SLC4A4: variants seen among roughly 807,000 people sequenced by gnomAD.
SLC4A4 encodes the protein solute carrier family 4 member 4, also known as electrogenic sodium bicarbonate cotransporter 1.
A neutral mutation model predicts 111.5 loss-of-function variants in SLC4A4; 27 were observed. That is an observed-to-expected ratio of 0.24 (90% CI 0.18 to 0.33). The LOEUF is 0.33. Among genes scored for constraint, SLC4A4 ranks in the 10% least tolerant of loss-of-function variants. The pLI, the probability that SLC4A4 is intolerant of heterozygous loss-of-function variation, is 1.00. For missense variants in SLC4A4, 909 were observed against 1,315.5 expected (o/e 0.69, Z 4.78); for synonymous variants, 443 against 463.4 (o/e 0.96, Z 0.57).
chr4:71,380,816 C>T (rs1362813603), intron 6 of SLC4A4, among the ~76,000 whole-genome samples: 2 of 152,180 alleles, frequency 1.3e-5, no homozygotes, highest in Non-Finnish European at 2.9e-5. Flanking sequence ...TTCTTGTTCT[C>T]TCTACTCTCA....
chr4:71,524,316 A>C (rs1207609851), intron 16 of SLC4A4, among the ~76,000 whole-genome samples: 1 of 152,172 alleles, frequency 6.6e-6, no homozygotes, highest in African/African-American at 2.4e-5. Context: ...GTATACACAC[A>C]TTGGGTTTCT....
intron 1 of SLC4A4, among the ~76,000 whole-genome samples, chr4:71,092,233 A>C (rs1742409130): frequency 6.6e-6 from 1 of 151,622 alleles, no homozygotes. Context: ...TCTATTCTAA[A>C]GCTCATTTTA....
At chr4:71,286,689 A>C (rs1484833583) in intron 3 of SLC4A4, among the ~76,000 whole-genome samples, 1 of 152,232 alleles carries the variant, frequency 6.6e-6, no homozygotes, top group African/African-American at 2.4e-5. Context: ...GTTGATCTTT[A>C]TAACAATCTT....
Position 71,402,729 on chromosome 4 carries a change from C to T in SLC4A4, c.807+5076C>T, listed in dbSNP as rs556799776. Among the ~76,000 whole-genome samples, 11 of 152,312 alleles carry T rather than the reference C, an allele frequency of 7.2e-5. No homozygotes were observed. The South Asian group carries it at 2.1e-3, about 29-fold the overall frequency. On this transcript the variant is annotated intron_variant, in intron 7 of 25. Transcript: ENST00000264485. The stretch of plus-strand genomic sequence containing the variant: ...GTTTTGGTGACTTTGGTGAGCATCT[C>T]TCTGGCTCAGCACCTACAGCTTTCC...
chr4:71,546,746 G>A (rs911056441), intron 19 of SLC4A4, among the ~76,000 whole-genome samples: 3 of 151,862 alleles, frequency 2.0e-5, no homozygotes, highest in Non-Finnish European at 2.9e-5. Context: ...ATTTCCAAAA[G>A]GCTAAATGTT....
At chr4:71,542,944 C>T (rs1053188172) in intron 18 of SLC4A4, among the ~76,000 whole-genome samples, 2 of 152,074 alleles carry the variant, frequency 1.3e-5, no homozygotes, top group African/African-American at 4.8e-5. Flanking sequence ...TTCTGTGGTA[C>T]GCACTGTGCC....
intron 7 of SLC4A4, among the ~76,000 whole-genome samples, chr4:71,419,385 A>G (rs903273283): frequency 2.0e-5 from 3 of 152,210 alleles, no homozygotes; most frequent in Non-Finnish European, 4.4e-5. Context: ...TTACCTAAGC[A>G]AGCCTGGACA....
intron 1 of SLC4A4, among the ~76,000 whole-genome samples, chr4:71,089,091 C>T (rs903973771): frequency 6.6e-6 from 1 of 151,908 alleles, no homozygotes; most frequent in African/African-American, 2.4e-5. Flanking sequence ...TTCTTGGAGG[C>T]TTTCTTCATT....
At chr4:71,490,656 G>C (rs896715315) in intron 15 of SLC4A4, among the ~76,000 whole-genome samples, 1 of 151,710 alleles carries the variant, frequency 6.6e-6, no homozygotes, top group South Asian at 2.1e-4. Flanking sequence ...CTTAAGAGAG[G>C]CTCCATGTAT....
intron 2 of SLC4A4, among the ~76,000 whole-genome samples, chr4:71,152,281 A>G (rs1219063420): frequency 6.6e-6 from 1 of 152,076 alleles, no homozygotes; most frequent in African/African-American, 2.4e-5. Context: ...CCTTTATTAC[A>G]TATATGCTTA....
intron 7 of SLC4A4, among the ~76,000 whole-genome samples, chr4:71,425,969 A>G (rs1349762887): frequency 1.3e-5 from 2 of 152,128 alleles, no homozygotes; most frequent in Admixed American, 1.3e-4. Flanking sequence ...GAATCTCTAT[A>G]GAATGTCAAT....
chr4:71,189,178 T>C (rs1025366451), intron 1 of SLC4A4, among the ~76,000 whole-genome samples: 7 of 152,266 alleles, frequency 4.6e-5, no homozygotes, highest in African/African-American at 1.7e-4. Flanking sequence ...CCCCAACATT[T>C]TGGATTTAAG....
chr4:71,414,609 A>G (rs920728353), intron 7 of SLC4A4, among the ~76,000 whole-genome samples: 2 of 152,186 alleles, frequency 1.3e-5, no homozygotes, highest in African/African-American at 4.8e-5. Context: ...TAGTTACCCC[A>G]ACTGGGGTAT....
chr4:71,508,967 G>C (rs554715808), intron 16 of SLC4A4, among the ~76,000 whole-genome samples: 8 of 152,238 alleles, frequency 5.3e-5, no homozygotes, highest in African/African-American at 1.7e-4. Context: ...ATCAAGAAAT[G>C]TGATTCATCA....
intron 1 of SLC4A4, among the ~76,000 whole-genome samples, chr4:71,091,315 T>C (rs951555572): frequency 6.7e-6 from 1 of 149,346 alleles, no homozygotes; most frequent in Non-Finnish European, 1.5e-5. Context: ...TGCAGTGGCA[T>C]GATCTTGGCT....
At chr4:71,193,706 T>A (rs1745858655) in intron 1 of SLC4A4, among the ~76,000 whole-genome samples, 1 of 152,242 alleles carries the variant, frequency 6.6e-6, no homozygotes, top group African/African-American at 2.4e-5. Flanking sequence ...TATCTTTTCA[T>A]ATGATTATTG....
At chr4:71,422,453 T>C (rs1202269139) in intron 7 of SLC4A4, among the ~76,000 whole-genome samples, 1,525 of 150,960 alleles carry the variant, frequency 0.01, 40 homozygotes, top group African/African-American at 0.035. Context: ...TTCCAATCAA[T>C]AGAAAAAGAG....
At chr4:71,203,198 T>C (rs1390506765) in intron 1 of SLC4A4, among the ~76,000 whole-genome samples, 1 of 152,140 alleles carries the variant, frequency 6.6e-6, no homozygotes, top group Non-Finnish European at 1.5e-5. Flanking sequence ...AAGATGACTT[T>C]TAAAACTGTG....
chr4:71,161,117 A>G (rs148192639), intron 2 of SLC4A4, among the ~76,000 whole-genome samples: 1 of 152,310 alleles, frequency 6.6e-6, no homozygotes, highest in African/African-American at 2.4e-5. Flanking sequence ...TCCCTTAAGA[A>G]GATGAGTTAT....
Sources: allele counts gnomAD v4.1 joint callset (sites outside exome capture counted in the v4.1 genomes callset), GRCh38; gene constraint gnomAD v4.1.1; transcripts MANE v1.5; gene names NCBI Gene and HGNC (gene_info 2026-07-23, HGNC 2026-07-21).